ADAMTS17: variants seen among roughly 807,000 people sequenced by gnomAD.
ADAMTS17 encodes A disintegrin and metalloproteinase with thrombospondin motifs 17.
Under a neutral mutation model 141.5 loss-of-function variants are expected in ADAMTS17, and 113 were observed. The observed-to-expected ratio is 0.80, with a 90% confidence interval of 0.69 to 0.93. The LOEUF (loss-of-function observed/expected upper bound fraction) is 0.93. Among genes scored for constraint, ADAMTS17 ranks in the 40% least tolerant of loss-of-function variants. The pLI is 0.00. For synonymous variants in ADAMTS17, 768 were observed against 630.6 expected (o/e 1.22, Z -3.27); for missense variants, 1,659 against 1,517.9 (o/e 1.09, Z -1.54).
chr15:100,154,777 C>A (rs2039350368), intron 9 of ADAMTS17, among the ~76,000 whole-genome samples: 1 of 152,180 alleles, frequency 6.6e-6, no homozygotes, highest in Admixed American at 6.5e-5. Flanking sequence ...ACCCCTCATC[C>A]CCCAGCAAAT....
chr15:100,000,139 G>A (rs1264277935), intron 18 of ADAMTS17, among the ~76,000 whole-genome samples: 2 of 152,156 alleles, frequency 1.3e-5, no homozygotes, highest in Non-Finnish European at 2.9e-5. Context: ...TGCTGTCATT[G>A]TCTCCTTGGT....
chr15:100,101,500 T>C (rs2036097508), intron 14 of ADAMTS17, among the ~76,000 whole-genome samples: 1 of 152,220 alleles, frequency 6.6e-6, no homozygotes, highest in Non-Finnish European at 1.5e-5. Flanking sequence ...AACCTCTTCT[T>C]GGTTGTTAAA....
intron 8 of ADAMTS17, among the ~76,000 whole-genome samples, chr15:100,184,111 G>A (rs544410835): frequency 1.3e-5 from 2 of 152,196 alleles, no homozygotes; most frequent in Non-Finnish European, 2.9e-5. Context: ...AGTTGAGTAG[G>A]CCTGGGGTTT....
chr15:100,132,142 G>A lies in ADAMTS17; in HGVS notation c.1586C>T (p.Ala529Val), dbSNP rs548441489. ...TECGADKWCR[A>V]GECVSKTPIP... ...GGGCGTCTTGCTCACGCACTCCCCCGCGCGGCACCACTGAAACACAGCGGG... is the reference window on the plus strand; with the variant it reads ...GGGCGTCTTGCTCACGCACTCCCCCACGCGGCACCACTGAAACACAGCGGG... The change falls in exon 12 of 22, where the codon GCG becomes GTG. Residue 529 changes from alanine (A) to valine (V), a missense_variant. Transcript: ENST00000268070. The A allele has an allele frequency of 2.1e-5, 34 of 1,613,556 alleles. No homozygotes were observed. Among genetic ancestry groups the A allele is most frequent in the East Asian group, 6.7e-5 (3 of 44,880 alleles).
intron 15 of ADAMTS17, among the ~76,000 whole-genome samples, chr15:100,069,087 G>A (rs113205201): frequency 4.6e-5 from 7 of 152,186 alleles, no homozygotes; most frequent in African/African-American, 1.2e-4. Flanking sequence ...TGAGAACTAC[G>A]TGACGAATGC....
intron 3 of ADAMTS17, among the ~76,000 whole-genome samples, chr15:100,288,442 G>A (rs1380998118): frequency 6.6e-6 from 1 of 152,144 alleles, no homozygotes; most frequent in African/African-American, 2.4e-5. Context: ...CCTACTGACA[G>A]TATTACATAG....
At chr15:100,272,555 G>T (rs78420325) in intron 4 of ADAMTS17, among the ~76,000 whole-genome samples, 11,784 of 125,918 alleles carry the variant, frequency 0.094, 837 homozygotes, top group Middle Eastern at 0.11. Flanking sequence ...ACTTTGCAAA[G>T]AATTTATTAG....
chr15:100,133,985 A>G (rs2038192118), intron 10 of ADAMTS17, among the ~76,000 whole-genome samples: 1 of 152,266 alleles, frequency 6.6e-6, no homozygotes, highest in Admixed American at 6.5e-5. Flanking sequence ...AGGAATTGGC[A>G]TTTAAACACA....
intron 15 of ADAMTS17, among the ~76,000 whole-genome samples, chr15:100,079,273 A>C (rs547746131): frequency 1.3e-5 from 2 of 152,342 alleles, no homozygotes; most frequent in Admixed American, 6.5e-5. Flanking sequence ...CATTATTCCT[A>C]ACAGCCAAAA....
intron 13 of ADAMTS17, among the ~76,000 whole-genome samples, chr15:100,114,072 G>A (rs549167854): frequency 6.6e-6 from 1 of 152,160 alleles, no homozygotes; most frequent in African/African-American, 2.4e-5. Flanking sequence ...TTTCTAAGGA[G>A]GATCTTTGTC....
At chr15:100,059,554 A>G (rs930851930) in intron 15 of ADAMTS17, among the ~76,000 whole-genome samples, 5 of 152,246 alleles carry the variant, frequency 3.3e-5, no homozygotes, top group Non-Finnish European at 7.3e-5. Context: ...TCCTGCTAAA[A>G]TCAGAAGTTC....
chr15:100,161,324 G>C (rs59083182), intron 8 of ADAMTS17, among the ~76,000 whole-genome samples: 3,106 of 152,252 alleles, frequency 0.02, 163 homozygotes, highest in East Asian at 0.19. Context: ...GGCTCTGACC[G>C]TACCTGTCTC....
chr15:100,060,041 T>C (rs747967161), intron 15 of ADAMTS17, among the ~76,000 whole-genome samples: 1 of 152,224 alleles, frequency 6.6e-6, no homozygotes, highest in Non-Finnish European at 1.5e-5. Context: ...AAGCACTCCA[T>C]GGGGCAATTA....
At chr15:100,094,001 G>A (rs539185367) in intron 15 of ADAMTS17, among the ~76,000 whole-genome samples, 46 of 151,760 alleles carry the variant, frequency 3.0e-4, no homozygotes, top group African/African-American at 1.1e-3. Context: ...TCATTCTTGT[G>A]CAAATGAGTA....
intron 15 of ADAMTS17, among the ~76,000 whole-genome samples, chr15:100,077,964 A>G (rs1266301315): frequency 6.6e-6 from 1 of 152,250 alleles, no homozygotes; most frequent in Non-Finnish European, 1.5e-5. Context: ...TTAGCAATGA[A>G]CAGTTGGAAA....
At chr15:100,233,252 C>A (rs183998923) in intron 7 of ADAMTS17, among the ~76,000 whole-genome samples, 2 of 152,112 alleles carry the variant, frequency 1.3e-5, no homozygotes, top group East Asian at 3.9e-4. Context: ...ATCGCTTGAA[C>A]CCAGGAGGCA....
intron 7 of ADAMTS17, among the ~76,000 whole-genome samples, chr15:100,222,315 A>T (rs531635753): frequency 6.6e-6 from 1 of 152,266 alleles, no homozygotes; most frequent in East Asian, 1.9e-4. Flanking sequence ...GGCTCTTAAT[A>T]CCATGCTGGC....
intron 20 of ADAMTS17, among the ~76,000 whole-genome samples, chr15:99,983,326 G>C (rs2727211): frequency 6.6e-6 from 1 of 152,026 alleles, no homozygotes; most frequent in East Asian, 1.9e-4. Context: ...CCACCTTTCA[G>C]AGAGGCAGAA....
chr15:100,023,922 G>A (rs2061451515), intron 18 of ADAMTS17, among the ~76,000 whole-genome samples: 2 of 152,106 alleles, frequency 1.3e-5, no homozygotes, highest in Admixed American at 6.6e-5. Context: ...TAGAAAATCT[G>A]GAAAGTACAA....
Sources: allele counts gnomAD v4.1 joint callset (sites outside exome capture counted in the v4.1 genomes callset), GRCh38; gene constraint gnomAD v4.1.1; transcripts MANE v1.5; gene names NCBI Gene and HGNC (gene_info 2026-07-23, HGNC 2026-07-21).